Variants in ATP10A observed in about 807,000 individuals in gnomAD.
ATP10A encodes the protein phospholipid-transporting ATPase VA.
A neutral mutation model predicts 147.8 loss-of-function variants in ATP10A; 111 were observed. That is an observed-to-expected ratio of 0.75 (90% CI 0.64 to 0.88). The LOEUF (loss-of-function observed/expected upper bound fraction) is 0.88. Among genes scored for constraint, ATP10A ranks in the 40% least tolerant of loss-of-function variants. The pLI is 0.00. For synonymous variants in ATP10A, 875 were observed against 841.6 expected (o/e 1.04, Z -0.69); for missense variants, 1,927 against 1,959.0 (o/e 0.98, Z 0.31).
chr15:25,761,549 C>A (rs1888758188), intron 2 of ATP10A, among the ~76,000 whole-genome samples: 1 of 152,262 alleles, frequency 6.6e-6, no homozygotes, highest in East Asian at 1.9e-4. Flanking sequence ...AGCAAAGCCA[C>A]AAGGGTGGAG....
At chr15:25,824,169 CAT>C (rs762168129) in intron 1 of ATP10A, among the ~76,000 whole-genome samples, 3 of 151,920 alleles carry the variant, frequency 2.0e-5, no homozygotes, top group African/African-American at 4.8e-5. Context: ...TTTCACTAAA[CAT>C]AGTAATTGAA....
chr15:25,707,847 C>G, intron 12 of ATP10A, 129 bp downstream of exon 12: 2 of 1,304,856 alleles, frequency 1.5e-6, no homozygotes, highest in Non-Finnish European at 2.1e-6. Context: ...GCTGTGCCAG[C>G]GTCCTGCCAG....
intron 1 of ATP10A, among the ~76,000 whole-genome samples, chr15:25,837,411 G>A (rs1238907014): frequency 6.6e-6 from 1 of 152,220 alleles, no homozygotes; most frequent in Non-Finnish European, 1.5e-5. Flanking sequence ...AAATAAGCCA[G>A]ACACAGAGAT....
In ATP10A at chr15:25,834,190, T is replaced by C. The variant is rs142505464; in HGVS notation, c.449+28458A>G. Among the ~76,000 whole-genome samples the C allele has an allele frequency of 8.5e-5, 13 of 152,284 alleles. No homozygotes were observed. The East Asian group carries it at 1.7e-3, about 20-fold the overall frequency. On this transcript the variant is annotated intron_variant, in intron 1 of 20. Transcript: ENST00000555815. ...CAATTAAAAATAATAATTTAAAAAG[T>C]CTGTGCTTCAAAGGGCATAATCAAG... is the stretch of plus-strand genomic sequence containing the variant.
In ATP10A at chr15:25,795,165, G is replaced by A. The variant is rs73366956; in HGVS notation, c.450-13942C>T. On this transcript the variant is annotated intron_variant, in intron 1 of 20. Transcript: ENST00000555815. Reference sequence around the variant, plus strand: ...TATATCCCAGGTATCTTATGTGACCGCGCAAGCATACAACAATGAGCAGCG... The same window carrying A: ...TATATCCCAGGTATCTTATGTGACCACGCAAGCATACAACAATGAGCAGCG... Among the ~76,000 whole-genome samples the A allele has an allele frequency of 4.4e-3, 670 of 152,224 alleles. 6 individuals carry two copies. The highest frequency in any genetic ancestry group is 0.014 in the African/African-American group (591 of 41,542).
intron 1 of ATP10A, chr15:25,861,750 C>G (rs1002705348): frequency 6.5e-6 from 1 of 153,718 alleles, no homozygotes; most frequent in East Asian, 1.9e-4. Flanking sequence ...TAACGATGGG[C>G]TGAGCTTTGG....
rs746399632 is a variant in ATP10A at position 25,683,369 on chromosome 15, C to T, written c.3409G>A (p.Val1137Met). 4.3e-5 allele frequency: 69 copies of T among 1,614,078 alleles called. No homozygotes were observed. The South Asian group carries it at 4.3e-4, about 10-fold the overall frequency. The change falls in exon 17 of 21, where the codon GTG (valine) becomes ATG (methionine). Residue 1137 changes from valine (V) to methionine (M), a missense_variant. Coordinates refer to ENST00000555815, the MANE Select transcript of ATP10A (RefSeq NM_024490.4). ...NLLFSSLPPL[V>M]TGVLDRDVPA... is the part of the protein sequence containing the mutation. ...ACATCCCTGTCCAGCACCCCAGTCA[C>T]GAGCGGGGGAAGTGACGAGAAGAGC...
chr15:25,791,500 C>T (rs1030571736), intron 1 of ATP10A, among the ~76,000 whole-genome samples: 2 of 152,180 alleles, frequency 1.3e-5, no homozygotes, highest in African/African-American at 4.8e-5. Context: ...AATCTTCCCA[C>T]CTTGGCCTCT....
At chr15:25,780,892 G>A (rs1013288148) in intron 2 of ATP10A, 127 bp downstream of exon 2, 25 of 1,038,574 alleles carry the variant, frequency 2.4e-5, no homozygotes, top group East Asian at 2.4e-5. Context: ...CCTCAGACTC[G>A]TCTACTAGGA....
chr15:25,753,334 TGA>T (rs1888249331), intron 2 of ATP10A, among the ~76,000 whole-genome samples: 1 of 152,154 alleles, frequency 6.6e-6, no homozygotes, highest in Non-Finnish European at 1.5e-5. Context: ...AGTGAGTACA[TGA>T]GATACTTGTC....
At position 25,808,733 on chromosome 15, in the gene ATP10A, C is replaced by A. The variant is rs533187770; in HGVS notation, c.450-27510G>T. Among the ~76,000 whole-genome samples, 287 of 152,264 alleles carry A rather than the reference C, an allele frequency of 1.9e-3. 3 individuals are homozygous for A. The highest frequency in any genetic ancestry group is 6.4e-3 in the African/African-American group (268 of 41,560). On this transcript the variant is annotated intron_variant, in intron 1 of 20. Transcript: ENST00000555815. ...TGATTCCCAACTCAGGTATTTTTACCCCACTCTTTTCCCCCATTGGGTGGC... is the reference window on the plus strand; with the variant it reads ...TGATTCCCAACTCAGGTATTTTTACACCACTCTTTTCCCCCATTGGGTGGC...
chr15:25,755,678 C>T (rs1331068237), intron 2 of ATP10A, among the ~76,000 whole-genome samples: 1 of 152,166 alleles, frequency 6.6e-6, no homozygotes, highest in Admixed American at 6.5e-5. Context: ...ATGTTAACCA[C>T]CAGGACAGAT....
At chr15:25,788,068 C>A (rs7182266) in intron 1 of ATP10A, among the ~76,000 whole-genome samples, 1 of 152,042 alleles carries the variant, frequency 6.6e-6, no homozygotes, top group Non-Finnish European at 1.5e-5. Context: ...GTGCTCCCAA[C>A]GTGGGCAGGG....
chr15:25,838,776 A>C (rs1277264534), intron 1 of ATP10A, among the ~76,000 whole-genome samples: 1 of 152,136 alleles, frequency 6.6e-6, no homozygotes, highest in Non-Finnish European at 1.5e-5. Flanking sequence ...CCCTGAGAAA[A>C]TGGGGAAAGG....
chr15:25,752,106 G>T (rs1470988209), intron 2 of ATP10A, among the ~76,000 whole-genome samples: 2 of 152,082 alleles, frequency 1.3e-5, no homozygotes, highest in Admixed American at 1.3e-4. Flanking sequence ...CTGTATGGAG[G>T]TTCCCCCAAA....
At chr15:25,701,150 C>G (rs1344961924) in intron 13 of ATP10A, among the ~76,000 whole-genome samples, 2 of 152,176 alleles carry the variant, frequency 1.3e-5, no homozygotes, top group African/African-American at 4.8e-5. Context: ...CCTACGCTTA[C>G]AGATGGAGTG....
At chr15:25,689,991 T>C (rs963422811) in intron 15 of ATP10A, among the ~76,000 whole-genome samples, 16 of 152,194 alleles carry the variant, frequency 1.1e-4, no homozygotes, top group African/African-American at 3.9e-4. Flanking sequence ...ACAGAAGCAA[T>C]GCCAACAAAG....
chr15:25,717,269 T>G (rs908411439), intron 8 of ATP10A, among the ~76,000 whole-genome samples: 12 of 152,230 alleles, frequency 7.9e-5, no homozygotes, highest in African/African-American at 2.9e-4. Flanking sequence ...TTTTAAGAAT[T>G]ATTTAAAAAC....
intron 2 of ATP10A, among the ~76,000 whole-genome samples, chr15:25,745,272 G>A (rs1887786989): frequency 6.6e-6 from 1 of 151,964 alleles, no homozygotes; most frequent in Non-Finnish European, 1.5e-5. Context: ...GTTGCAGCTT[G>A]AACCCAGGAG....
Sources: allele counts gnomAD v4.1 joint callset (sites outside exome capture counted in the v4.1 genomes callset), GRCh38; gene constraint gnomAD v4.1.1; transcripts MANE v1.5; gene names NCBI Gene and HGNC (gene_info 2026-07-23, HGNC 2026-07-21).